The following KCNMA1 variants were observed in gnomAD, a reference collection of about 807,000 sequenced individuals.
KCNMA1 encodes Calcium-activated potassium channel subunit alpha-1.
KCNMA1 carries 29 observed loss-of-function variants against 140.0 expected under a neutral mutation model. The observed-to-expected ratio is 0.21, with a 90% CI of 0.15 to 0.28. KCNMA1 has a LOEUF of 0.28. Among genes scored for constraint, KCNMA1 ranks in the 10% least tolerant of loss-of-function variants. KCNMA1 has a pLI of 1.00. For missense variants in KCNMA1, 880 were observed against 1,602.2 expected, an observed-to-expected ratio of 0.55 and a Z score of 7.70; for synonymous variants, 612 against 611.9, an observed-to-expected ratio of 1.00 and a Z score of 0.00.
chr10:77,120,040 T>A (rs1326469506), intron 6 of KCNMA1, among the ~76,000 whole-genome samples: 1 of 152,202 alleles, frequency 6.6e-6, no homozygotes, highest in Non-Finnish European at 1.5e-5. Context: ...AATCTAATCC[T>A]CAAAACTACA....
chr10:77,449,695 T>C (rs887535125), intron 1 of KCNMA1, among the ~76,000 whole-genome samples: 1 of 149,326 alleles, frequency 6.7e-6, no homozygotes, highest in Non-Finnish European at 1.5e-5. Context: ...CAGGCTGGAG[T>C]GCAGTGGCGG....
At chr10:77,445,381 C>G (rs568959644) in intron 1 of KCNMA1, among the ~76,000 whole-genome samples, 1 of 149,122 alleles carries the variant, frequency 6.7e-6, no homozygotes, top group Non-Finnish European at 1.5e-5. Context: ...CACACACACA[C>G]ACACACACAC....
At chr10:77,576,885 T>C (rs558276556) in intron 1 of KCNMA1, among the ~76,000 whole-genome samples, 39 of 152,306 alleles carry the variant, frequency 2.6e-4, no homozygotes, top group South Asian at 2.5e-3. Context: ...GCTTACACTG[T>C]TTCCCATGCA....
chr10:77,047,262 A>G (rs17480656), intron 14 of KCNMA1, among the ~76,000 whole-genome samples: 12,729 of 152,280 alleles, frequency 0.084, 662 homozygotes, highest in Non-Finnish European at 0.12. Flanking sequence ...TAATTTCGGA[A>G]TGGACTTGAG....
Position 77,068,002 on chromosome 10 carries a change from T to A in KCNMA1, c.1749+5095A>T, listed in dbSNP as rs191654677. Reference sequence around the variant, plus strand: ...CTAAGATGATGGCACTAGCTAAAGTTTTCCCTTATCGTTTCTCACATTTCC... The same window carrying A: ...CTAAGATGATGGCACTAGCTAAAGTATTCCCTTATCGTTTCTCACATTTCC... On this transcript the variant is annotated intron_variant, in intron 14 of 27. Coordinates refer to ENST00000286628, the MANE Select transcript of KCNMA1 (RefSeq NM_001161352.2). Among the ~76,000 whole-genome samples, 49 of 152,296 alleles carry A rather than the reference T, an allele frequency of 3.2e-4. No homozygotes were observed. The East Asian group carries it at 8.3e-3, about 26-fold the overall frequency.
intron 1 of KCNMA1, among the ~76,000 whole-genome samples, chr10:77,613,591 G>A (rs2154568409): frequency 6.6e-6 from 1 of 152,322 alleles, no homozygotes; most frequent in South Asian, 2.1e-4. Flanking sequence ...TTAATTAGCA[G>A]TAAACAGATG....
At chr10:77,426,738 C>A (rs1014100519) in intron 1 of KCNMA1, among the ~76,000 whole-genome samples, 7 of 152,202 alleles carry the variant, frequency 4.6e-5, no homozygotes, top group Admixed American at 1.3e-4. Flanking sequence ...ACCCACTTGC[C>A]AGGACTTGCT....
intron 1 of KCNMA1, among the ~76,000 whole-genome samples, chr10:77,450,150 G>T (rs2097607664): frequency 6.6e-6 from 1 of 151,986 alleles, no homozygotes; most frequent in South Asian, 2.1e-4. Flanking sequence ...TTGTCTCCCA[G>T]GTTCAAGTGA....
intron 5 of KCNMA1, among the ~76,000 whole-genome samples, chr10:77,139,524 G>T (rs2154019298): frequency 6.6e-6 from 1 of 152,294 alleles, no homozygotes; most frequent in Non-Finnish European, 1.5e-5. Flanking sequence ...ATTACATAAT[G>T]CAGAAGTATT....
At chr10:76,887,922 A>G in intron 27 of KCNMA1, 1 of 263,920 alleles carries the variant, frequency 3.8e-6, no homozygotes, top group South Asian at 4.7e-5. Flanking sequence ...TTTGTTTACC[A>G]TGACAGAGTG....
intron 5 of KCNMA1, among the ~76,000 whole-genome samples, chr10:77,163,462 C>T (rs993373164): frequency 6.6e-6 from 1 of 152,132 alleles, no homozygotes; most frequent in African/African-American, 2.4e-5. Context: ...CTTGGGAACC[C>T]TTATCATTTG....
At chr10:77,565,867 C>A (rs1187416780) in intron 1 of KCNMA1, among the ~76,000 whole-genome samples, 1 of 152,094 alleles carries the variant, frequency 6.6e-6, no homozygotes, top group Middle Eastern at 3.2e-3. Context: ...ACCCCATCCC[C>A]CTGAGATCCC....
At chr10:77,063,678 G>T in intron 14 of KCNMA1, 1 of 945,422 alleles carries the variant, frequency 1.1e-6, no homozygotes, top group Non-Finnish European at 1.3e-6. Flanking sequence ...ATAGACTTAA[G>T]GAAATCTGAT....
Position 77,543,504 on chromosome 10 carries a change from TATG to T in KCNMA1, c.378+93758_378+93760del, listed in dbSNP as rs1277519091. On this transcript the variant is annotated intron_variant, in intron 1 of 27. Transcript: ENST00000286628. Reference sequence around the variant, plus strand: ...GGAACATAATAGCATATTGTGCTATTATGATGATGAAGAACCTCTCTAGAAGAA... The same window carrying T: ...GGAACATAATAGCATATTGTGCTATTATGATGAAGAACCTCTCTAGAAGAA... Among the ~76,000 whole-genome samples, 3 of 152,336 alleles carry T rather than the reference TATG, an allele frequency of 2.0e-5. No individual in the cohort carries two copies. The East Asian group carries it at 5.8e-4, about 29-fold the overall frequency.
At chr10:77,607,504 G>T (rs1288307728) in intron 1 of KCNMA1, among the ~76,000 whole-genome samples, 1 of 152,162 alleles carries the variant, frequency 6.6e-6, no homozygotes, top group African/African-American at 2.4e-5. Context: ...AGATTAGCCT[G>T]GATCATCCAG....
At chr10:77,560,668 T>C (rs531379771) in intron 1 of KCNMA1, among the ~76,000 whole-genome samples, 1 of 152,314 alleles carries the variant, frequency 6.6e-6, no homozygotes, top group South Asian at 2.1e-4. Context: ...TCTAGTGCCA[T>C]TGAGATTTTC....
At chr10:77,538,795 C>T (rs575988478) in intron 1 of KCNMA1, among the ~76,000 whole-genome samples, 4 of 152,220 alleles carry the variant, frequency 2.6e-5, no homozygotes, top group East Asian at 3.9e-4. Flanking sequence ...AACCTGTTCT[C>T]GTGCCACAAA....
chr10:77,490,150 T>C (rs1355039881), intron 1 of KCNMA1, among the ~76,000 whole-genome samples: 1 of 152,056 alleles, frequency 6.6e-6, no homozygotes, highest in African/African-American at 2.4e-5. Flanking sequence ...AACCACGGGG[T>C]TAAATGACCC....
chr10:77,625,208 C>T (rs1321516631), intron 1 of KCNMA1, among the ~76,000 whole-genome samples: 2 of 151,982 alleles, frequency 1.3e-5, no homozygotes, highest in Non-Finnish European at 2.9e-5. Flanking sequence ...GGTGAAACCC[C>T]GTCTCTACTA....
Sources: allele counts gnomAD v4.1 joint callset (sites outside exome capture counted in the v4.1 genomes callset), GRCh38; gene constraint gnomAD v4.1.1; transcripts MANE v1.5; gene names NCBI Gene and HGNC (gene_info 2026-07-23, HGNC 2026-07-21).